The following MDGA2 variants were observed in gnomAD, a reference collection of about 807,000 sequenced individuals.
The protein encoded by MDGA2 is MAM domain-containing glycosylphosphatidylinositol anchor protein 2.
MDGA2 carries 40 observed loss-of-function variants against 117.8 expected under a neutral mutation model. That is an observed-to-expected ratio of 0.34 (90% confidence interval 0.26 to 0.44). MDGA2 has a LOEUF of 0.44. Ranked by LOEUF, MDGA2 falls within the 20% of genes least tolerant of loss-of-function variation. The probability of loss-of-function intolerance (pLI) is 1.00; values close to 1 mark genes in which losing one functional copy is unlikely to be tolerated. For missense variants in MDGA2, 1,123 were observed against 1,250.6 expected (o/e 0.90, Z 1.54); for synonymous variants, 452 against 439.0 (o/e 1.03, Z -0.37).
At chr14:47,361,217 A>C (rs1320336304) in intron 1 of MDGA2, among the ~76,000 whole-genome samples, 79 of 142,400 alleles carry the variant, frequency 5.5e-4, no homozygotes, top group African/African-American at 2.0e-3. Flanking sequence ...CTATATATAT[A>C]TATATATATA....
At chr14:47,177,707 A>G (rs1456508067) in intron 3 of MDGA2, among the ~76,000 whole-genome samples, 1 of 152,230 alleles carries the variant, frequency 6.6e-6, no homozygotes, top group Admixed American at 6.5e-5. Context: ...GCTAAGTGAC[A>G]AGTTAATGGG....
intron 1 of MDGA2, among the ~76,000 whole-genome samples, chr14:47,653,919 A>T (rs1263609965): frequency 6.6e-6 from 1 of 152,194 alleles, no homozygotes; most frequent in African/African-American, 2.4e-5. Context: ...AGAGCTTTCA[A>T]AAAGAAGTGC....
At position 47,054,412 on chromosome 14, in the gene MDGA2, G is replaced by A. The variant is rs371049219; in HGVS notation, c.1525+6837C>T. ...ATATGTACATGTGCCATGTTGGTGTGCTGCACCCATTAACTCATCATTTAG... is the reference window on the plus strand; with the variant it reads ...ATATGTACATGTGCCATGTTGGTGTACTGCACCCATTAACTCATCATTTAG... On this transcript the variant is annotated intron_variant, in intron 7 of 16. Coordinates refer to ENST00000399232, the MANE Select transcript of MDGA2 (RefSeq NM_001113498.3). Among the ~76,000 whole-genome samples the A allele has an allele frequency of 9.9e-4, 150 of 151,504 alleles. 2 individuals are homozygous for A. The highest frequency in any genetic ancestry group is 3.4e-3 in the African/African-American group (142 of 41,342).
intron 1 of MDGA2, among the ~76,000 whole-genome samples, chr14:47,462,860 A>C (rs932699629): frequency 1.3e-5 from 2 of 152,234 alleles, no homozygotes; most frequent in African/African-American, 4.8e-5. Flanking sequence ...GAAGTGATTG[A>C]ACACGTTAGC....
intron 9 of MDGA2, among the ~76,000 whole-genome samples, chr14:46,946,952 C>T (rs1885190470): frequency 6.6e-6 from 1 of 152,014 alleles, no homozygotes; most frequent in Non-Finnish European, 1.5e-5. Context: ...GGCATTGACT[C>T]AAGTCTTAAT....
intron 7 of MDGA2, chr14:47,058,806 A>G (rs1889774404): frequency 1.0e-6 from 1 of 985,512 alleles, no homozygotes; most frequent in Admixed American, 6.2e-5. Context: ...CATCTTCTGT[A>G]GGCCTTCTAT....
At chr14:47,492,497 C>CAT (rs907860459) in intron 1 of MDGA2, among the ~76,000 whole-genome samples, 21 of 151,890 alleles carry the variant, frequency 1.4e-4, no homozygotes, top group South Asian at 6.2e-4. Flanking sequence ...TATAGATATA[C>CAT]ATATATATAT....
chr14:47,481,099 C>T (rs779978280), intron 1 of MDGA2, among the ~76,000 whole-genome samples: 1 of 151,860 alleles, frequency 6.6e-6, no homozygotes, highest in African/African-American at 2.4e-5. Flanking sequence ...ACAGCAAATA[C>T]GAGTTAACCA....
Position 47,503,553 on chromosome 14 carries a change from C to G in MDGA2, c.280+170964G>C, listed in dbSNP as rs529032777. Among the ~76,000 whole-genome samples the G allele has an allele frequency of 4.0e-5, 6 of 151,824 alleles. No homozygotes were observed. In the South Asian group the frequency reaches 1.0e-3, roughly 26 times the overall value. ...CCCTAGTAGCTGGGCTACAGGCACC[C>G]GCCACCACGCCCAGCTAATTTTTTG... On this transcript the variant is annotated intron_variant, in intron 1 of 16. Transcript: ENST00000399232.
chr14:47,396,721 A>G (rs1355787052), intron 1 of MDGA2, among the ~76,000 whole-genome samples: 1 of 152,222 alleles, frequency 6.6e-6, no homozygotes, highest in African/African-American at 2.4e-5. Context: ...GTGGCCAACA[A>G]GTATATGAAA....
intron 14 of MDGA2, chr14:46,871,215 T>G (rs1414750111): frequency 6.6e-6 from 1 of 151,834 alleles, no homozygotes; most frequent in Non-Finnish European, 1.5e-5. Context: ...TGAATGATTT[T>G]ACCTATTTTT....
chr14:47,619,351 A>G (rs1897008612), intron 1 of MDGA2, among the ~76,000 whole-genome samples: 1 of 152,188 alleles, frequency 6.6e-6, no homozygotes, highest in Non-Finnish European at 1.5e-5. Context: ...CATCATCACA[A>G]TGAGGTGGGC....
At chr14:47,635,495 G>T (rs1479593852) in intron 1 of MDGA2, among the ~76,000 whole-genome samples, 4 of 152,228 alleles carry the variant, frequency 2.6e-5, no homozygotes, top group Admixed American at 6.5e-5. Context: ...GCGAAAAAAA[G>T]TTGCTCCAGT....
intron 6 of MDGA2, among the ~76,000 whole-genome samples, chr14:47,072,891 C>T (rs1260643629): frequency 6.6e-6 from 1 of 152,146 alleles, no homozygotes; most frequent in Non-Finnish European, 1.5e-5. Context: ...TTTGCAGGAT[C>T]TTCAAAAGCC....
In MDGA2 at chr14:47,573,784, T is replaced by C. The variant is rs532359592; in HGVS notation, c.280+100733A>G. On this transcript the variant is annotated intron_variant, in intron 1 of 16. Coordinates refer to ENST00000399232, the MANE Select transcript of MDGA2 (RefSeq NM_001113498.3). ...GAAGAGCTGATTGGAAGAAATGACA[T>C]GGAAGGAGTGTTTTACAACTCATGC... Among the ~76,000 whole-genome samples the C allele has an allele frequency of 1.1e-4, 16 of 152,260 alleles. No homozygotes were observed. In the East Asian group the frequency reaches 3.1e-3, roughly 29 times the overall value.
chr14:47,405,800 G>A (rs559487704), intron 1 of MDGA2, among the ~76,000 whole-genome samples: 2 of 152,162 alleles, frequency 1.3e-5, no homozygotes, highest in African/African-American at 4.8e-5. Context: ...GACACATGAA[G>A]CAATCATATA....
intron 5 of MDGA2, among the ~76,000 whole-genome samples, chr14:47,103,423 C>T (rs1158037817): frequency 6.6e-6 from 1 of 152,116 alleles, no homozygotes; most frequent in African/African-American, 2.4e-5. Flanking sequence ...AAATAATCTA[C>T]CCATTTATGT....
chr14:47,422,456 A>T (rs17118607), intron 1 of MDGA2, among the ~76,000 whole-genome samples: 1 of 152,146 alleles, frequency 6.6e-6, no homozygotes, highest in Non-Finnish European at 1.5e-5. Context: ...TGTCTTCCAA[A>T]GAATGAGAGA....
intron 7 of MDGA2, among the ~76,000 whole-genome samples, chr14:47,046,786 C>T (rs980964400): frequency 8.5e-5 from 13 of 152,146 alleles, no homozygotes; most frequent in African/African-American, 2.2e-4. Flanking sequence ...AAGCCAACTA[C>T]GATTCCCAAA....
Sources: gnomAD v4.1 joint callset for allele counts (sites outside exome capture counted in the v4.1 genomes callset) on GRCh38, gnomAD v4.1.1 for gene constraint, MANE v1.5 for transcripts, NCBI Gene and HGNC (gene_info 2026-07-23, HGNC 2026-07-21) for gene names.